The following CCDC91 variants were observed in gnomAD, a reference collection of about 807,000 sequenced individuals.
The protein encoded by CCDC91 is coiled-coil domain containing 91.
In CCDC91, 48 loss-of-function variants were observed where a neutral mutation model predicts 63.2. The observed-to-expected ratio is 0.76, with a 90% CI of 0.60 to 0.97. CCDC91 has a LOEUF of 0.97. CCDC91 is among the 50% of genes least tolerant of loss of function. CCDC91 has a pLI of 0.00. For synonymous variants in CCDC91, 167 were observed against 165.8 expected (o/e 1.01, Z -0.06); for missense variants, 500 against 494.6 (o/e 1.01, Z -0.10).
intron 3 of CCDC91, among the ~76,000 whole-genome samples, chr12:28,264,619 G>GTGTGTGTA (rs1314836532): frequency 1.3e-5 from 2 of 150,514 alleles, no homozygotes; most frequent in African/African-American, 4.9e-5. Context: ...GTGTGTGTGT[G>GTGTGTGTA]TATTCTGATT....
In CCDC91 at chr12:28,404,944, TC is replaced by T. The variant is rs1946843181; in HGVS notation, c.762+13534del. ...GTCTTGTTTTTTGCTCTATTATATT[TC>T]TGTCTTTTAATTGGTGTTTTTAGAC... is the stretch of plus-strand genomic sequence containing the variant. On this transcript the variant is annotated intron_variant, in intron 8 of 12. Transcript: ENST00000536442. Among the ~76,000 whole-genome samples, 3 of 152,226 alleles carry T rather than the reference TC, an allele frequency of 2.0e-5. No homozygotes were observed. In the South Asian group the frequency reaches 6.2e-4, roughly 32 times the overall value.
intron 11 of CCDC91, among the ~76,000 whole-genome samples, chr12:28,465,595 A>G (rs892549319): frequency 6.6e-6 from 1 of 152,208 alleles, no homozygotes; most frequent in African/African-American, 2.4e-5. Context: ...CTATGAGTCT[A>G]CAAGAACCAC....
intron 12 of CCDC91, among the ~76,000 whole-genome samples, chr12:28,519,351 G>A (rs1166048860): frequency 6.6e-6 from 1 of 151,700 alleles, no homozygotes; most frequent in Non-Finnish European, 1.5e-5. Context: ...TTGAGTACGT[G>A]ATTTGATTCT....
chr12:28,201,218 C>T (rs1942291751), intron 1 of CCDC91, among the ~76,000 whole-genome samples: 1 of 148,668 alleles, frequency 6.7e-6, no homozygotes, highest in African/African-American at 2.5e-5. Flanking sequence ...CGGAGGGGCT[C>T]CTCACTTCTC....
intron 3 of CCDC91, among the ~76,000 whole-genome samples, chr12:28,304,316 G>A (rs1436172651): frequency 7.2e-6 from 1 of 139,558 alleles, no homozygotes. Context: ...GGTGGAAATT[G>A]CAGTGAGCCA....
chr12:28,496,874 A>G (rs1952312777), intron 12 of CCDC91, among the ~76,000 whole-genome samples: 1 of 148,048 alleles, frequency 6.8e-6, no homozygotes, highest in South Asian at 2.1e-4. Flanking sequence ...GTATATATAT[A>G]TATGTATATA....
intron 3 of CCDC91, among the ~76,000 whole-genome samples, chr12:28,294,955 G>C (rs939033525): frequency 6.6e-6 from 1 of 152,152 alleles, no homozygotes; most frequent in Non-Finnish European, 1.5e-5. Flanking sequence ...TGAATTAATA[G>C]TCATGTAAAA....
intron 7 of CCDC91, among the ~76,000 whole-genome samples, chr12:28,390,111 T>A (rs1431618572): frequency 1.3e-5 from 2 of 152,160 alleles, no homozygotes; most frequent in African/African-American, 4.8e-5. Flanking sequence ...GTAGGAGTAG[T>A]AGCATCATCA....
intron 1 of CCDC91, among the ~76,000 whole-genome samples, chr12:28,223,739 G>T (rs190922065): frequency 2.0e-5 from 3 of 152,200 alleles, no homozygotes; most frequent in African/African-American, 7.2e-5. Flanking sequence ...CTATTGTAGC[G>T]TTAAGCACTT....
chr12:28,196,081 T>C (rs61920245), intron 1 of CCDC91, among the ~76,000 whole-genome samples: 39,516 of 152,152 alleles, frequency 0.26, 5,412 homozygotes, highest in Non-Finnish European at 0.31. Flanking sequence ...CTCTAGCCTC[T>C]GCAACAGAGA....
At chr12:28,351,586 C>T (rs1943182348) in intron 6 of CCDC91, among the ~76,000 whole-genome samples, 1 of 151,974 alleles carries the variant, frequency 6.6e-6, no homozygotes, top group Non-Finnish European at 1.5e-5. Flanking sequence ...GCCTGTGGCT[C>T]TGCTGGCCTC....
At chr12:28,457,703 A>C (rs925322893) in intron 11 of CCDC91, among the ~76,000 whole-genome samples, 6 of 151,794 alleles carry the variant, frequency 4.0e-5, no homozygotes, top group African/African-American at 1.5e-4. Context: ...TTTGGCCTTG[A>C]TCGTAAGTTA....
At chr12:28,383,066 G>A (rs1945390682) in intron 7 of CCDC91, among the ~76,000 whole-genome samples, 1 of 152,062 alleles carries the variant, frequency 6.6e-6, no homozygotes, top group Non-Finnish European at 1.5e-5. Flanking sequence ...TGGCACAAAA[G>A]AAATTTTCAC....
chr12:28,406,837 T>C (rs1405040213), intron 8 of CCDC91, among the ~76,000 whole-genome samples: 4 of 145,418 alleles, frequency 2.8e-5, no homozygotes, highest in African/African-American at 9.8e-5. Context: ...AATACCCAAC[T>C]CTTCCAGTCT....
At chr12:28,317,870 C>G (rs1388035085) in intron 6 of CCDC91, among the ~76,000 whole-genome samples, 1 of 151,758 alleles carries the variant, frequency 6.6e-6, no homozygotes, top group African/African-American at 2.4e-5. Flanking sequence ...ATTACCAACA[C>G]CATGATTGAT....
rs530538068 is a variant in CCDC91, at chr12:28,339,375, A to G, written c.577-23063A>G. ...TAGTTATCCAGTTAGATAGTTGAAT[A>G]GGCAGCTAGTACATGAACCTGGCAT... On this transcript the variant is annotated intron_variant, in intron 6 of 12. Coordinates refer to ENST00000536442, the MANE Select transcript of CCDC91 (RefSeq NM_018318.5). Among the ~76,000 whole-genome samples the G allele has an allele frequency of 8.5e-5, 13 of 152,266 alleles. No individual in the cohort carries two copies. The South Asian group carries it at 1.5e-3, about 17-fold the overall frequency.
At chr12:28,255,522 G>A (rs189076442) in intron 1 of CCDC91, 33 of 152,236 alleles carry the variant, frequency 2.2e-4, no homozygotes, top group Admixed American at 3.3e-4. Context: ...AATAATGTGA[G>A]TTCCATTTCA....
At chr12:28,338,593 A>G (rs1942181485) in intron 6 of CCDC91, among the ~76,000 whole-genome samples, 1 of 152,072 alleles carries the variant, frequency 6.6e-6, no homozygotes, top group South Asian at 2.1e-4. Context: ...GGCCAAGGTA[A>G]GGATTTTGGA....
intron 7 of CCDC91, among the ~76,000 whole-genome samples, chr12:28,371,743 C>T (rs1368472922): frequency 6.6e-6 from 1 of 152,146 alleles, no homozygotes; most frequent in Non-Finnish European, 1.5e-5. Flanking sequence ...ATATGGAGGG[C>T]CACATTTTTG....
Sources: gnomAD v4.1 joint callset for allele counts (sites outside exome capture counted in the v4.1 genomes callset) on GRCh38, gnomAD v4.1.1 for gene constraint, MANE v1.5 for transcripts, NCBI Gene and HGNC (gene_info 2026-07-23, HGNC 2026-07-21) for gene names.